RAB7A: variants seen among roughly 807,000 people sequenced by gnomAD.
The protein encoded by RAB7A is ras-related protein Rab-7a.
Under a neutral mutation model 24.5 loss-of-function variants are expected in RAB7A, and 2 were observed. That is an observed-to-expected ratio of 0.08 (90% CI 0.03 to 0.26). The LOEUF is 0.26. Ranked by LOEUF, RAB7A falls within the 10% of genes least tolerant of loss-of-function variation. The pLI is 1.00. For missense variants in RAB7A, 118 were observed against 255.7 expected (o/e 0.46, Z 3.67); for synonymous variants, 100 against 95.9 (o/e 1.04, Z -0.25).
At chr3:128,772,421 T>C (rs1932971919) in intron 1 of RAB7A, among the ~76,000 whole-genome samples, 2 of 152,340 alleles carry the variant, frequency 1.3e-5, no homozygotes, top group Admixed American at 1.3e-4. Context: ...CTCGTTTTTT[T>C]TTCTTCCATA....
intron 1 of RAB7A, among the ~76,000 whole-genome samples, chr3:128,730,914 C>A (rs1408551546): frequency 6.6e-6 from 1 of 152,264 alleles, no homozygotes; most frequent in African/African-American, 2.4e-5. Context: ...CAGTTGGGAC[C>A]AAGCAAATCC....
At chr3:128,791,296 C>T (rs540851555) in intron 1 of RAB7A, among the ~76,000 whole-genome samples, 10 of 152,264 alleles carry the variant, frequency 6.6e-5, no homozygotes, top group Non-Finnish European at 1.3e-4. Flanking sequence ...CCCACCACCA[C>T]GACCAGCTAA....
intron 1 of RAB7A, among the ~76,000 whole-genome samples, chr3:128,771,159 G>A (rs1383209969): frequency 6.6e-6 from 1 of 152,048 alleles, no homozygotes; most frequent in Non-Finnish European, 1.5e-5. Flanking sequence ...TGGTAGAGAC[G>A]GGGTTTTCAT....
intron 1 of RAB7A, among the ~76,000 whole-genome samples, chr3:128,736,239 C>G (rs547341792): frequency 6.6e-6 from 1 of 151,850 alleles, no homozygotes; most frequent in Non-Finnish European, 1.5e-5. Flanking sequence ...GGGACTGGGA[C>G]TAGCATCCAG....
intron 1 of RAB7A, chr3:128,749,173 T>A (rs976723623): frequency 6.6e-6 from 1 of 152,264 alleles, no homozygotes; most frequent in Admixed American, 6.5e-5. Context: ...GGAACTGGCC[T>A]CAGGTCTCTT....
intron 1 of RAB7A, among the ~76,000 whole-genome samples, chr3:128,733,209 C>T (rs926094289): frequency 2.6e-5 from 4 of 152,152 alleles, no homozygotes; most frequent in African/African-American, 7.2e-5. Flanking sequence ...TCATTATCAT[C>T]GATGCCCTGA....
chr3:128,732,516 TC>T (rs1418972861), intron 1 of RAB7A, among the ~76,000 whole-genome samples: 1 of 152,176 alleles, frequency 6.6e-6, no homozygotes, highest in Non-Finnish European at 1.5e-5. Context: ...TTTCATACCT[TC>T]CTTTAATGAG....
At chr3:128,751,933 G>A (rs1365422334) in intron 1 of RAB7A, among the ~76,000 whole-genome samples, 2 of 152,174 alleles carry the variant, frequency 1.3e-5, no homozygotes, top group Non-Finnish European at 2.9e-5. Context: ...AAAAAGGGGA[G>A]CTTCCCTGCA....
At chr3:128,781,420 C>G (rs903303671) in intron 1 of RAB7A, among the ~76,000 whole-genome samples, 3 of 152,156 alleles carry the variant, frequency 2.0e-5, no homozygotes, top group African/African-American at 7.2e-5. Flanking sequence ...GTAATCCCAG[C>G]ACTTTGGGAG....
At chr3:128,786,100 C>G (rs9824632) in intron 1 of RAB7A, among the ~76,000 whole-genome samples, 41,139 of 152,066 alleles carry the variant, frequency 0.27, 7,042 homozygotes, top group African/African-American at 0.48. Context: ...CCAAGTGACT[C>G]CTGATGAGCT....
rs751015573 is a variant in RAB7A at position 128,813,652 on chromosome 3, G to C, written c.*230G>C. On this transcript the variant is annotated 3_prime_UTR_variant, in exon 6 of 6. Transcript: ENST00000265062. ...CGTAATCAAACTCCAGCCCTTGCCC[G>C]TGATGGCTCCTTGGGGTCTGCCTGC... 6.2e-5 allele frequency: 35 copies of C among 565,554 alleles called. No individual in the cohort carries two copies. Among genetic ancestry groups the C allele is most frequent in the South Asian group, 4.5e-4 (25 of 54,980 alleles). 35.0% of individuals were successfully genotyped at this position (565,554 alleles called of 1,614,324 possible). A position where few individuals can be genotyped will look rare whatever the true frequency, so the allele number is the denominator to read the frequency against.
intron 2 of RAB7A, among the ~76,000 whole-genome samples, chr3:128,797,514 C>A (rs1933602570): frequency 6.6e-6 from 1 of 152,218 alleles, no homozygotes; most frequent in South Asian, 2.1e-4. Flanking sequence ...CCAAGGTCTT[C>A]CTCCTGGTGT....
At chr3:128,750,984 A>T (rs2070675467) in intron 1 of RAB7A, among the ~76,000 whole-genome samples, 1 of 152,214 alleles carries the variant, frequency 6.6e-6, no homozygotes, top group African/African-American at 2.4e-5. Flanking sequence ...TGCAAGCCCC[A>T]AGCTGTGGCA....
chr3:128,741,481 G>C (rs2070553453), intron 1 of RAB7A, among the ~76,000 whole-genome samples: 1 of 151,962 alleles, frequency 6.6e-6, no homozygotes. Context: ...TTTTCTCTTT[G>C]ACTAGAAATT....
intron 1 of RAB7A, among the ~76,000 whole-genome samples, chr3:128,781,718 T>C (rs1274198880): frequency 2.0e-5 from 3 of 151,660 alleles, no homozygotes; most frequent in Admixed American, 6.6e-5. Flanking sequence ...TGAGGTGAGA[T>C]TGAAACCCAT....
intron 1 of RAB7A, chr3:128,765,091 G>A (rs886355782): frequency 2.4e-6 from 2 of 850,188 alleles, no homozygotes; most frequent in South Asian, 1.4e-5. Flanking sequence ...GGGATGGTCC[G>A]AGGGTGCAGT....
chr3:128,785,954 C>T (rs960257444), intron 1 of RAB7A, among the ~76,000 whole-genome samples: 6 of 152,092 alleles, frequency 3.9e-5, no homozygotes, highest in African/African-American at 9.7e-5. Flanking sequence ...GCCTACTTCC[C>T]GAGTGCCCCC....
chr3:128,743,032 G>A (rs951185345), intron 1 of RAB7A, among the ~76,000 whole-genome samples: 1 of 152,216 alleles, frequency 6.6e-6, no homozygotes, highest in Non-Finnish European at 1.5e-5. Context: ...AGGAGGGCTC[G>A]GGCATGGCGG....
At chr3:128,802,571 C>T (rs906123279) in intron 3 of RAB7A, among the ~76,000 whole-genome samples, 7 of 151,860 alleles carry the variant, frequency 4.6e-5, no homozygotes, top group Admixed American at 1.3e-4. Flanking sequence ...AGTGCAGTGG[C>T]GTGATCTTGG....
Sources: allele counts gnomAD v4.1 joint callset (sites outside exome capture counted in the v4.1 genomes callset), GRCh38; gene constraint gnomAD v4.1.1; transcripts MANE v1.5; gene names NCBI Gene and HGNC (gene_info 2026-07-23, HGNC 2026-07-21).